ZNF264: variants seen among roughly 807,000 people sequenced by gnomAD.
The protein encoded by ZNF264 is zinc finger protein 264.
Under a neutral mutation model 11.2 loss-of-function variants are expected in ZNF264, and 11 were observed. The observed-to-expected ratio is 0.98, with a 90% CI of 0.62 to 1.63. The LOEUF is 1.63. Among genes scored for constraint, ZNF264 ranks in the 40% most tolerant of loss-of-function variants. The pLI is 0.00. For missense variants in ZNF264, 752 were observed against 768.1 expected (o/e 0.98, Z 0.25); for synonymous variants, 309 against 279.8 (o/e 1.10, Z -1.04).
intron 2 of ZNF264, among the ~76,000 whole-genome samples, chr19:57,197,205 C>G (rs1234620196): frequency 2.0e-5 from 3 of 151,812 alleles, no homozygotes; most frequent in Non-Finnish European, 2.9e-5. Context: ...CCTCATGTAA[C>G]TTGTGCCTTC....
intron 2 of ZNF264, among the ~76,000 whole-genome samples, chr19:57,196,960 G>A (rs2087216188): frequency 6.6e-6 from 1 of 151,914 alleles, no homozygotes; most frequent in African/African-American, 2.4e-5. Flanking sequence ...CTGCCCACTG[G>A]GAAATTTCCC....
In ZNF264 at chr19:57,217,059, AG is replaced by A. The variant is rs1406789878; in HGVS notation, c.*4079del. 6.6e-6 allele frequency: 1 copy of A among 152,190 alleles called. No individual in the cohort carries two copies. Among genetic ancestry groups the A allele is most frequent in the African/African-American group, 2.4e-5 (1 of 41,442 alleles). The allele number at this position is 152,190 out of a possible 1,614,324, so 9.4% of individuals were successfully genotyped here. ...TCAGAATGCTCAGAAAATTTACATT[AG>A]CCTGCAGTTGGGCAAAATCATCTAA... On this transcript the variant is annotated 3_prime_UTR_variant, in exon 4 of 4. Coordinates refer to ENST00000263095, the MANE Select transcript of ZNF264 (RefSeq NM_003417.5).
At chr19:57,195,962 C>A (rs2087208882) in intron 2 of ZNF264, among the ~76,000 whole-genome samples, 1 of 151,732 alleles carries the variant, frequency 6.6e-6, no homozygotes, top group South Asian at 2.1e-4. Flanking sequence ...ATTTGCACTT[C>A]CACCCCTTGA....
At chr19:57,199,295 C>T (rs1025287284) in intron 2 of ZNF264, among the ~76,000 whole-genome samples, 2 of 151,920 alleles carry the variant, frequency 1.3e-5, no homozygotes, top group Non-Finnish European at 1.5e-5. Context: ...GCAGGTGCTG[C>T]CCTCGCAAAT....
intron 2 of ZNF264, chr19:57,194,719 G>T (rs1364651535): frequency 4.0e-5 from 16 of 398,834 alleles, no homozygotes; most frequent in Non-Finnish European, 7.1e-5. Context: ...ATTAAGGGGG[G>T]GGTCTGCCTT....
At chr19:57,204,438 C>T (rs568181413) in intron 2 of ZNF264, among the ~76,000 whole-genome samples, 123 of 152,226 alleles carry the variant, frequency 8.1e-4, no homozygotes, top group African/African-American at 2.6e-3. Context: ...ATCATGGGGA[C>T]GGGTTTTTCC....
Position 57,219,844 on chromosome 19 carries a change from C to CT in ZNF264, c.*6866dup, listed in dbSNP as rs2087404622. 6.6e-6 allele frequency: 1 copy of CT among 152,272 alleles called. No homozygotes were observed. Among genetic ancestry groups the CT allele is most frequent in the Non-Finnish European group, 1.5e-5 (1 of 68,048 alleles). 9.4% of individuals were successfully genotyped at this position (152,272 alleles called of 1,614,324 possible). ...TGTGGCCCACTGGGCATCTTCTGCACTTTCTCTGCATTTGTAAACACTGAG... is the reference window on the plus strand; with the variant it reads ...TGTGGCCCACTGGGCATCTTCTGCACTTTTCTCTGCATTTGTAAACACTGAG... On this transcript the variant is annotated 3_prime_UTR_variant, in exon 4 of 4. Transcript: ENST00000263095.
chr19:57,191,672 T>G lies in ZNF264; in HGVS notation c.-242T>G. ...GTTTGTTCCTGGGTCGCCGTCAAGC[T>G]GCGGTCTCTCCTCCCCCGCCCTTCA... is the stretch of plus-strand genomic sequence containing the variant. On this transcript the variant is annotated 5_prime_UTR_variant, in exon 1 of 4. Transcript: ENST00000263095. 1 of 394,304 alleles carries G rather than the reference T, an allele frequency of 2.5e-6. No homozygotes were observed. The highest frequency in any genetic ancestry group is 4.5e-6 in the Non-Finnish European group (1 of 223,294). The allele number at this position is 394,304 out of a possible 1,614,324, so 24.4% of individuals were successfully genotyped here.
chr19:57,217,671 C>G lies in ZNF264; in HGVS notation c.*4690C>G, dbSNP rs1238193527. On this transcript the variant is annotated 3_prime_UTR_variant, in exon 4 of 4. Transcript: ENST00000263095. ...CTCATGATCCACCCGCCTCGGCCCC[C>G]CAAAGTGCTGGGGTTACAGGTGTGA... 1 of 151,926 alleles carries G rather than the reference C, an allele frequency of 6.6e-6. No individual in the cohort carries two copies. The highest frequency in any genetic ancestry group is 1.5e-5 in the Non-Finnish European group (1 of 68,014). The allele number at this position is 151,926 out of a possible 1,614,324, so 9.4% of individuals were successfully genotyped here.
rs2087175136 is a variant in ZNF264 at position 57,191,850 on chromosome 19, G to A, written c.-64G>A. On this transcript the variant is annotated 5_prime_UTR_variant, in exon 1 of 4. Coordinates refer to ENST00000263095, the MANE Select transcript of ZNF264 (RefSeq NM_003417.5). Reference sequence around the variant, plus strand: ...GGGCAACCGGCCAGGGTCGGGCACAGGTGGGGTCCGTCAGGCCGCCCGGGG... The same window carrying A: ...GGGCAACCGGCCAGGGTCGGGCACAAGTGGGGTCCGTCAGGCCGCCCGGGG... 1.6e-6 allele frequency: 2 copies of A among 1,247,386 alleles called. No individual in the cohort carries two copies. Among genetic ancestry groups the A allele is most frequent in the Non-Finnish European group, 2.0e-6 (2 of 984,310 alleles). The allele number at this position is 1,247,386 out of a possible 1,614,324, so 77.3% of individuals were successfully genotyped here.
Position 57,216,811 on chromosome 19 carries a change from T to C in ZNF264, c.*3830T>C, listed in dbSNP as rs1056157934. 2.6e-5 allele frequency: 4 copies of C among 152,130 alleles called. No homozygotes were observed. Among genetic ancestry groups the C allele is most frequent in the Admixed American group, 2.6e-4 (4 of 15,272 alleles). 9.4% of individuals were successfully genotyped at this position (152,130 alleles called of 1,614,324 possible). ...AAATGATTTTTGTGTTCTTTTTTATTGTTCCTCTGTTATTTGGGGTTGTTT... is the reference window on the plus strand; with the variant it reads ...AAATGATTTTTGTGTTCTTTTTTATCGTTCCTCTGTTATTTGGGGTTGTTT... On this transcript the variant is annotated 3_prime_UTR_variant, in exon 4 of 4. Coordinates refer to ENST00000263095, the MANE Select transcript of ZNF264 (RefSeq NM_003417.5).
Position 57,212,819 on chromosome 19 carries a change from A to T in ZNF264, c.1722A>T (p.Arg574Ser). ...KNPISVTDVG[R>S]PFTSGQTSVT... ...CCATCAGTGTAACAGATGTGGGAAG[A>T]CCTTTTACAAGTGGACAAACCTCAG... Residue 574 changes from arginine (R) to serine (S), a missense_variant, in exon 4 of 4, where the codon AGA (arginine) becomes AGT (serine). Physicochemically the swap from Arg to Ser is moderately radical, Grantham distance 110. Transcript: ENST00000263095. 1 of 1,614,222 alleles carries T rather than the reference A, an allele frequency of 6.2e-7. No homozygotes were observed. The highest frequency in any genetic ancestry group is 8.5e-7 in the Non-Finnish European group (1 of 1,180,038).
rs1266469936 is a variant in ZNF264, at chr19:57,217,239, T to G, written c.*4258T>G. On this transcript the variant is annotated 3_prime_UTR_variant, in exon 4 of 4. Coordinates refer to ENST00000263095, the MANE Select transcript of ZNF264 (RefSeq NM_003417.5). ...CAGGGACTGTCTGTATATATCTGCA[T>G]TTTTTAGTGATTGTTCTACTATTAC... 6.6e-6 allele frequency: 1 copy of G among 152,230 alleles called. No homozygotes were observed. Among genetic ancestry groups the G allele is most frequent in the African/African-American group, 2.4e-5 (1 of 41,454 alleles). 9.4% of individuals were successfully genotyped at this position (152,230 alleles called of 1,614,324 possible).
intron 2 of ZNF264, among the ~76,000 whole-genome samples, chr19:57,196,956 A>G (rs557258929): frequency 2.0e-5 from 3 of 152,042 alleles, no homozygotes; most frequent in East Asian, 3.9e-4. Context: ...AGTTCTGCCC[A>G]CTGGGAAATT....
intron 1 of ZNF264, 74 bp from the exon 2 acceptor site, chr19:57,193,801 T>G: frequency 6.3e-7 from 1 of 1,582,990 alleles, no homozygotes; most frequent in Non-Finnish European, 8.6e-7. Flanking sequence ...GTACACCTTT[T>G]CCAGTGGAGC....
At chr19:57,209,304 GA>G (rs2087316737) in intron 3 of ZNF264, among the ~76,000 whole-genome samples, 1 of 151,984 alleles carries the variant, frequency 6.6e-6, no homozygotes, top group African/African-American at 2.4e-5. Context: ...TTTTTTCAGT[GA>G]GGTTGATTTG....
chr19:57,211,387 C>G lies in ZNF264; in HGVS notation c.290C>G (p.Thr97Ser). ...DKGKPKTTEP[T>S]TCEPALSEGI... The stretch of plus-strand genomic sequence containing the variant: ...GGAAAACCTAAGACCACAGAACCTA[C>G]CACTTGTGAGCCAGCCTTGTCAGAG... Residue 97 changes from threonine (T) to serine (S), a missense_variant, in exon 4 of 4, where the codon ACC (threonine) becomes AGC (serine). Coordinates refer to ENST00000263095, the MANE Select transcript of ZNF264 (RefSeq NM_003417.5). 1.9e-6 allele frequency: 3 copies of G among 1,613,834 alleles called. No homozygotes were observed. The highest frequency in any genetic ancestry group is 2.5e-6 in the Non-Finnish European group (3 of 1,179,814).
intron 2 of ZNF264, among the ~76,000 whole-genome samples, chr19:57,200,382 G>A (rs2122743102): frequency 6.7e-6 from 1 of 149,364 alleles, no homozygotes; most frequent in Admixed American, 6.7e-5. Flanking sequence ...AAGATGGGAG[G>A]ATCACTTGAG....
At chr19:57,205,697 G>C (rs1568474630) in intron 3 of ZNF264, among the ~76,000 whole-genome samples, 1 of 152,336 alleles carries the variant, frequency 6.6e-6, no homozygotes. Flanking sequence ...CCCCATCACA[G>C]TGTCACCATG....
Sources: allele counts gnomAD v4.1 joint callset (sites outside exome capture counted in the v4.1 genomes callset), GRCh38; gene constraint gnomAD v4.1.1; transcripts MANE v1.5; gene names NCBI Gene and HGNC (gene_info 2026-07-23, HGNC 2026-07-21).